Variants in PTPRT observed in about 807,000 individuals in gnomAD.
PTPRT encodes receptor-type tyrosine-protein phosphatase T.
Under a neutral mutation model 176.8 loss-of-function variants are expected in PTPRT, and 56 were observed. The ratio of observed to expected loss-of-function variants is 0.32; its 90% CI spans 0.26 to 0.40. The LOEUF (loss-of-function observed/expected upper bound fraction) is 0.40, where lower values mean the gene tolerates loss of function less well. PTPRT is among the 10% of genes least tolerant of loss of function. The probability of loss-of-function intolerance (pLI) is 1.00; values close to 1 mark genes in which losing one functional copy is unlikely to be tolerated. For synonymous variants in PTPRT, 783 were observed against 739.0 expected, an observed-to-expected ratio of 1.06 and a Z score of -0.96; for missense variants, 1,540 against 1,908.2, an observed-to-expected ratio of 0.81 and a Z score of 3.60.
In PTPRT at chr20:42,111,284, G is replaced by A. The variant is rs563949029; in HGVS notation, c.3100-797C>T. On this transcript the variant is annotated intron_variant, in intron 22 of 30. Coordinates refer to ENST00000373187, the MANE Select transcript of PTPRT (RefSeq NM_007050.6). ...CAGATACCCAGAGAACACTGAATAG[G>A]AAGAGTCTGTTTGATTATTCATTCA... Among the ~76,000 whole-genome samples the A allele has an allele frequency of 2.0e-5, 3 of 149,194 alleles. No individual in the cohort carries two copies. In the East Asian group the frequency reaches 5.9e-4, roughly 29 times the overall value.
intron 1 of PTPRT, among the ~76,000 whole-genome samples, chr20:43,143,575 C>G (rs2014081831): frequency 6.6e-6 from 1 of 152,212 alleles, no homozygotes; most frequent in African/African-American, 2.4e-5. Flanking sequence ...AGGGACTTTT[C>G]TCTAGCAGTA....
chr20:42,843,118 T>C (rs1347162000), intron 2 of PTPRT, among the ~76,000 whole-genome samples: 3 of 152,200 alleles, frequency 2.0e-5, no homozygotes, highest in Non-Finnish European at 4.4e-5. Flanking sequence ...TATATTCCCT[T>C]CCAAGGAACT....
chr20:42,091,757 G>A (rs1338787522), intron 27 of PTPRT, among the ~76,000 whole-genome samples: 1 of 152,178 alleles, frequency 6.6e-6, no homozygotes, highest in African/African-American at 2.4e-5. Context: ...GACTGTGAAT[G>A]AAGGCATAAA....
At chr20:42,594,363 C>T (rs1399827834) in intron 7 of PTPRT, among the ~76,000 whole-genome samples, 1 of 152,086 alleles carries the variant, frequency 6.6e-6, no homozygotes, top group Non-Finnish European at 1.5e-5. Flanking sequence ...GTGAAACAGA[C>T]TACAGGCATT....
At chr20:42,504,061 AT>A (rs1355706072) in intron 7 of PTPRT, among the ~76,000 whole-genome samples, 18 of 151,808 alleles carry the variant, frequency 1.2e-4, no homozygotes. Context: ...CATATTAAAT[AT>A]TTTTTTCATT....
At chr20:42,117,228 G>C (rs759161121) in intron 21 of PTPRT, among the ~76,000 whole-genome samples, 1 of 152,258 alleles carries the variant, frequency 6.6e-6, no homozygotes, top group Non-Finnish European at 1.5e-5. Flanking sequence ...GATTACGAAA[G>C]CCCAGATTGT....
At chr20:42,299,560 G>A (rs1313070098) in intron 12 of PTPRT, among the ~76,000 whole-genome samples, 2 of 150,268 alleles carry the variant, frequency 1.3e-5, no homozygotes, top group African/African-American at 4.9e-5. Flanking sequence ...GTCAGAGAAG[G>A]GAATTACAGA....
chr20:42,722,205 G>A (rs186459048), intron 6 of PTPRT, among the ~76,000 whole-genome samples: 41 of 152,150 alleles, frequency 2.7e-4, no homozygotes, highest in African/African-American at 8.0e-4. Context: ...TGATTCAGTC[G>A]GTGGGGTGGG....
intron 9 of PTPRT, among the ~76,000 whole-genome samples, chr20:42,430,278 C>G (rs1181706445): frequency 2.6e-5 from 4 of 152,178 alleles, no homozygotes; most frequent in African/African-American, 9.7e-5. Flanking sequence ...GGTTCCAAAA[C>G]TGAGGCTCCA....
intron 7 of PTPRT, among the ~76,000 whole-genome samples, chr20:42,492,789 G>T (rs1171663214): frequency 6.6e-6 from 1 of 152,110 alleles, no homozygotes; most frequent in African/African-American, 2.4e-5. Flanking sequence ...TAATTGGGCT[G>T]CTTTTATGGC....
At chr20:42,665,837 G>T (rs1017177856) in intron 7 of PTPRT, among the ~76,000 whole-genome samples, 1 of 150,670 alleles carries the variant, frequency 6.6e-6, no homozygotes. Context: ...GCAAACTCTC[G>T]CAAGGACAAA....
intron 2 of PTPRT, among the ~76,000 whole-genome samples, chr20:42,798,179 A>AGGAAGT: frequency 6.6e-6 from 1 of 151,504 alleles, no homozygotes. Context: ...CTTAAATATC[A>AGGAAGT]CTTTCCCTAC....
intron 7 of PTPRT, among the ~76,000 whole-genome samples, chr20:42,666,090 A>C (rs1009005213): frequency 4.6e-5 from 7 of 152,208 alleles, no homozygotes; most frequent in South Asian, 2.1e-4. Flanking sequence ...CTTAAAGTAT[A>C]ATAAAAAAAT....
intron 1 of PTPRT, among the ~76,000 whole-genome samples, chr20:43,164,048 T>C (rs1012146427): frequency 5.3e-5 from 8 of 152,264 alleles, no homozygotes; most frequent in African/African-American, 1.9e-4. Flanking sequence ...CCCCTGAGTG[T>C]CATGCAATGT....
intron 2 of PTPRT, among the ~76,000 whole-genome samples, chr20:42,823,319 T>C (rs1007100963): frequency 6.6e-6 from 1 of 152,028 alleles, no homozygotes; most frequent in African/African-American, 2.4e-5. Flanking sequence ...TTCTCACTTA[T>C]AAGTGGGAGT....
At chr20:42,110,612 T>C (rs1986923688) in intron 22 of PTPRT, 125 bp from the exon 23 acceptor site, 1 of 984,748 alleles carries the variant, frequency 1.0e-6, no homozygotes, top group Non-Finnish European at 1.4e-6. Context: ...ACAGTGTTTG[T>C]TAATAGGTGT....
At chr20:43,036,127 G>C (rs1986368403) in intron 1 of PTPRT, among the ~76,000 whole-genome samples, 1 of 152,152 alleles carries the variant, frequency 6.6e-6, no homozygotes, top group African/African-American at 2.4e-5. Context: ...CAAAGAAAAA[G>C]CAACAAGATT....
chr20:42,977,599 GT>G (rs1482220179), intron 1 of PTPRT, among the ~76,000 whole-genome samples: 3 of 151,918 alleles, frequency 2.0e-5, no homozygotes, highest in Non-Finnish European at 4.4e-5. Flanking sequence ...ATTTATTTAT[GT>G]TTACATATAA....
chr20:42,734,603 A>G (rs6016884), intron 6 of PTPRT, among the ~76,000 whole-genome samples: 108,358 of 152,102 alleles, frequency 0.71, 38,685 homozygotes, highest in East Asian at 0.86. Flanking sequence ...AAAATCTGCT[A>G]TGAGAATTAC....
Sources: gnomAD v4.1 joint callset for allele counts (sites outside exome capture counted in the v4.1 genomes callset) on GRCh38, gnomAD v4.1.1 for gene constraint, MANE v1.5 for transcripts, NCBI Gene and HGNC (gene_info 2026-07-23, HGNC 2026-07-21) for gene names.